ADA2: variants seen among roughly 807,000 people sequenced by gnomAD.
ADA2 encodes the protein adenosine deaminase CECR1.
A neutral mutation model predicts 44.2 loss-of-function variants in ADA2; 29 were observed. That is an observed-to-expected ratio of 0.66 (90% CI 0.49 to 0.89). The LOEUF (loss-of-function observed/expected upper bound fraction) is 0.89. Ranked by LOEUF, ADA2 falls within the 40% of genes least tolerant of loss-of-function variation. The pLI is 0.00. For missense variants in ADA2, 637 were observed against 644.8 expected, an observed-to-expected ratio of 0.99 and a Z score of 0.13; for synonymous variants, 215 against 234.9, an observed-to-expected ratio of 0.92 and a Z score of 0.77.
intron 6 of ADA2, 29 bp from the exon 7 acceptor site, chr22:17,188,476 T>G (rs1475599910): frequency 2.0e-6 from 3 of 1,514,442 alleles, no homozygotes; most frequent in Non-Finnish European, 2.8e-6. Flanking sequence ...CAGGGAGGTG[T>G]CTGCAGGGCG....
At chr22:17,214,140 A>C (rs1353162251) in intron 1 of ADA2, 1 of 736,718 alleles carries the variant, frequency 1.4e-6, no homozygotes, top group African/African-American at 1.8e-5. Flanking sequence ...ACATTCCCAG[A>C]GTCAGCTGGA....
chr22:17,200,126 C>A (rs928914784), intron 4 of ADA2, among the ~76,000 whole-genome samples: 2 of 152,018 alleles, frequency 1.3e-5, no homozygotes, highest in African/African-American at 2.4e-5. Flanking sequence ...ATCCGGGAGG[C>A]GGAGGTTACA....
intron 4 of ADA2, among the ~76,000 whole-genome samples, chr22:17,201,134 G>T (rs1215015423): frequency 6.6e-6 from 1 of 151,308 alleles, no homozygotes; most frequent in Non-Finnish European, 1.5e-5. Context: ...GCTTGAACCT[G>T]GGAGGTGGAG....
intron 4 of ADA2, among the ~76,000 whole-genome samples, chr22:17,193,936 A>T (rs2062156658): frequency 6.7e-6 from 1 of 148,198 alleles, no homozygotes; most frequent in Admixed American, 6.8e-5. Flanking sequence ...GCACTTTGGG[A>T]GGCCGAGGCA....
At chr22:17,202,280 C>T (rs569894032) in intron 4 of ADA2, among the ~76,000 whole-genome samples, 2 of 152,242 alleles carry the variant, frequency 1.3e-5, no homozygotes, top group African/African-American at 4.8e-5. Context: ...CAGGCATGCG[C>T]CATCGCGCCC....
At chr22:17,202,565 C>T (rs953478033) in intron 4 of ADA2, among the ~76,000 whole-genome samples, 7 of 152,088 alleles carry the variant, frequency 4.6e-5, no homozygotes, top group Non-Finnish European at 1.0e-4. Flanking sequence ...ATGCACCTGG[C>T]CTCCCCTCTC....
intron 1 of ADA2, 138 bp from the exon 2 acceptor site, chr22:17,209,861 A>G: frequency 1.7e-6 from 1 of 586,756 alleles, no homozygotes; most frequent in Non-Finnish European, 3.0e-6. Flanking sequence ...GAAAAGACCT[A>G]CAGGTACAGA....
intron 9 of ADA2, 21 bp downstream of exon 9, chr22:17,181,798 TG>T: frequency 6.2e-7 from 1 of 1,603,840 alleles, no homozygotes; most frequent in Non-Finnish European, 8.5e-7. Flanking sequence ...GCGGGGGACC[TG>T]GGAGGACACA....
intron 4 of ADA2, among the ~76,000 whole-genome samples, chr22:17,200,882 C>CA (rs3078427): frequency 0.21 from 25,371 of 118,880 alleles, 2,944 homozygotes; most frequent in African/African-American, 0.35. Context: ...AACTCTGCCT[C>CA]AAAAAAAAAA....
chr22:17,212,043 G>A (rs2062424884), intron 1 of ADA2, among the ~76,000 whole-genome samples: 1 of 151,840 alleles, frequency 6.6e-6, no homozygotes, highest in Admixed American at 6.6e-5. Context: ...CTTTTGTGGG[G>A]GACGGAGTTT....
chr22:17,199,928 C>T (rs1408948418), intron 4 of ADA2: 1 of 348,632 alleles, frequency 2.9e-6, no homozygotes, highest in East Asian at 7.2e-5. Flanking sequence ...GGCGCGGTGG[C>T]TCACGCCTGT....
At chr22:17,183,828 A>G (rs2062002840) in intron 7 of ADA2, among the ~76,000 whole-genome samples, 1 of 151,992 alleles carries the variant, frequency 6.6e-6, no homozygotes, top group Non-Finnish European at 1.5e-5. Context: ...CAACATCAGT[A>G]TAACTACCTG....
chr22:17,183,249 A>G lies in ADA2; in HGVS notation c.1082-488T>C, dbSNP rs540924422. On this transcript the variant is annotated intron_variant, in intron 7 of 9. Coordinates refer to ENST00000399837, the MANE Select transcript of ADA2 (RefSeq NM_001282225.2). ...CGGGCACACGCCACCACGCCCAGAT[A>G]ATTTTTTGTATTTTTAGTAGAGACA... 1.4e-4 allele frequency among the ~76,000 whole-genome samples: 21 copies of G among 151,798 alleles called. 1 individual carries two copies. Among genetic ancestry groups the G allele is most frequent in the Admixed American group, 1.4e-3 (21 of 15,208 alleles).
chr22:17,193,099 A>G, intron 4 of ADA2: 2 of 1,197,350 alleles, frequency 1.7e-6, no homozygotes, highest in Non-Finnish European at 2.4e-6. Context: ...AACAAAAAAA[A>G]ACAAAGAACA....
chr22:17,185,270 C>A (rs1046818927), intron 7 of ADA2, among the ~76,000 whole-genome samples: 35 of 150,778 alleles, frequency 2.3e-4, no homozygotes, highest in African/African-American at 8.5e-4. Flanking sequence ...AAATATTAGC[C>A]GGGCGTGGTG....
intron 3 of ADA2, among the ~76,000 whole-genome samples, chr22:17,206,261 A>T (rs1314058239): frequency 6.6e-6 from 1 of 152,172 alleles, no homozygotes; most frequent in Non-Finnish European, 1.5e-5. Flanking sequence ...GTTCAAGACC[A>T]GCCTGGCCAA....
chr22:17,193,135 C>G (rs1260946466), intron 4 of ADA2: 12 of 1,405,634 alleles, frequency 8.5e-6, no homozygotes, highest in Non-Finnish European at 1.1e-5. Flanking sequence ...TCCAGAAGTT[C>G]CTGGTCCACA....
Position 17,192,280 on chromosome 22 carries a change from A to G in ADA2, c.754-470T>C, listed in dbSNP as rs137962249. Among the ~76,000 whole-genome samples, 1,205 of 152,178 alleles carry G rather than the reference A, an allele frequency of 7.9e-3. 8 individuals are homozygous for G. The highest frequency in any genetic ancestry group is 0.014 in the African/African-American group (590 of 41,530). ...CACTGCACTTAAAACAGCACATGGC[A>G]CACGCGAGGGTAGGTGCCCATTAAG... is the stretch of plus-strand genomic sequence containing the variant. On this transcript the variant is annotated intron_variant, in intron 4 of 9. Transcript: ENST00000399837.
chr22:17,210,285 G>C (rs2062405426), intron 1 of ADA2, among the ~76,000 whole-genome samples: 2 of 151,276 alleles, frequency 1.3e-5, no homozygotes, highest in African/African-American at 4.9e-5. Context: ...CCGCCTCCCG[G>C]GTTCAAGTGC....
Sources: allele counts gnomAD v4.1 joint callset (sites outside exome capture counted in the v4.1 genomes callset), GRCh38; gene constraint gnomAD v4.1.1; transcripts MANE v1.5; gene names NCBI Gene and HGNC (gene_info 2026-07-23, HGNC 2026-07-21).